ACSF3: variants seen among roughly 807,000 people sequenced by gnomAD.
ACSF3 encodes the protein malonate--CoA ligase ACSF3, mitochondrial.
ACSF3 carries 78 observed loss-of-function variants against 53.2 expected under a neutral mutation model. The observed-to-expected ratio is 1.47, with a 90% confidence interval of 1.22 to 1.77. The LOEUF is 1.77. Ranked by LOEUF, ACSF3 falls within the 40% of genes most tolerant of loss-of-function variation. The pLI, the probability that ACSF3 is intolerant of heterozygous loss-of-function variation, is 0.00. For synonymous variants in ACSF3, 414 were observed against 333.1 expected (o/e 1.24, Z -2.65); for missense variants, 937 against 771.1 (o/e 1.22, Z -2.55).
intron 7 of ACSF3, among the ~76,000 whole-genome samples, chr16:89,128,784 G>C (rs1389959525): frequency 1.3e-5 from 2 of 152,042 alleles, no homozygotes; most frequent in Non-Finnish European, 2.9e-5. Context: ...GTTGTGTTTT[G>C]TGGCCCAGAA....
intron 4 of ACSF3, among the ~76,000 whole-genome samples, chr16:89,108,379 G>A (rs1326134242): frequency 6.6e-6 from 1 of 152,162 alleles, no homozygotes; most frequent in Non-Finnish European, 1.5e-5. Context: ...AGTTCTTGTA[G>A]TGCAGCTTTG....
At chr16:89,154,060 G>A (rs200419089) in intron 10 of ACSF3, 30 bp from the exon 11 acceptor site, 3 of 1,605,548 alleles carry the variant, frequency 1.9e-6, no homozygotes, top group East Asian at 2.2e-5. Flanking sequence ...TGTCAGGGCA[G>A]TGCGCCTCAG....
chr16:89,131,925 C>A (rs541633481), intron 7 of ACSF3, among the ~76,000 whole-genome samples: 1 of 152,250 alleles, frequency 6.6e-6, no homozygotes, highest in East Asian at 1.9e-4. Context: ...GTTTCACCCC[C>A]GTGGGTGGCG....
chr16:89,142,169 G>A (rs537725032), intron 8 of ACSF3, among the ~76,000 whole-genome samples: 36 of 152,156 alleles, frequency 2.4e-4, no homozygotes, highest in Admixed American at 1.8e-3. Flanking sequence ...GGGGTTGGAG[G>A]CCAGGCAGGG....
intron 10 of ACSF3, among the ~76,000 whole-genome samples, chr16:89,146,975 C>G (rs1459275154): frequency 6.6e-6 from 1 of 152,062 alleles, no homozygotes; most frequent in African/African-American, 2.4e-5. Flanking sequence ...ACAGTAATTT[C>G]TTTTGTTTTT....
chr16:89,102,928 CT>C (rs1188093493), intron 4 of ACSF3, among the ~76,000 whole-genome samples, 169 bp downstream of exon 4: 5 of 152,230 alleles, frequency 3.3e-5, no homozygotes, highest in Non-Finnish European at 5.9e-5. Context: ...GCAGTCGCCC[CT>C]ATCCACAGGG....
chr16:89,123,663 C>A (rs745620823), intron 7 of ACSF3, among the ~76,000 whole-genome samples: 2 of 152,204 alleles, frequency 1.3e-5, no homozygotes, highest in Non-Finnish European at 2.9e-5. Context: ...ATCAGCCAGG[C>A]CTTCAGAGCT....
chr16:89,096,036 C>T (rs944675736), intron 1 of ACSF3, among the ~76,000 whole-genome samples: 2 of 152,132 alleles, frequency 1.3e-5, no homozygotes, highest in African/African-American at 4.8e-5. Flanking sequence ...AACCTGATGG[C>T]TAGAACACCG....
rs1012271385 is a variant in ACSF3 at position 89,145,969 on chromosome 16, A to C, written c.1533A>C (p.Thr511=). Residue 511 remains threonine (T), a synonymous_variant, in exon 10 of 11, where the codon ACA becomes ACC. Coordinates refer to ENST00000614302, the MANE Select transcript of ACSF3 (RefSeq NM_001243279.3). ...DVAVIGVPDM[T]WGQRVTAVVT... is the part of the protein sequence containing the mutation. ...CTGTGATTGGAGTTCCGGATATGACATGGGGCCAGCGGGTCACTGCTGTGG... is the reference window on the plus strand; with the variant it reads ...CTGTGATTGGAGTTCCGGATATGACCTGGGGCCAGCGGGTCACTGCTGTGG... The C allele has an allele frequency of 6.4e-7, 1 of 1,554,898 alleles. No homozygotes were observed. The highest frequency in any genetic ancestry group is 2.5e-5 in the East Asian group (1 of 40,032).
Position 89,101,366 on chromosome 16 carries a change from C to A in ACSF3, c.666+19C>A. 4 of 1,564,668 alleles carry A rather than the reference C, an allele frequency of 2.6e-6. No homozygotes were observed. The highest frequency in any genetic ancestry group is 3.5e-6 in the Non-Finnish European group (4 of 1,155,548). ...GGCTGTGGTGAGTGCCGCCTGGCGC[C>A]GTGATGGTTTCGGTGACCGCACAGC... On this transcript the variant is annotated intron_variant, in intron 3 of 10. Coordinates refer to ENST00000614302, the MANE Select transcript of ACSF3 (RefSeq NM_001243279.3).
chr16:89,101,994 C>T (rs1319949529), intron 3 of ACSF3, among the ~76,000 whole-genome samples: 2 of 152,310 alleles, frequency 1.3e-5, no homozygotes, highest in East Asian at 1.9e-4. Flanking sequence ...GCTCTGGACT[C>T]CTCTGTCCTT....
intron 5 of ACSF3, chr16:89,113,885 T>C (rs990778497): frequency 1.4e-4 from 44 of 317,446 alleles, no homozygotes; most frequent in Middle Eastern, 2.3e-3. Context: ...CGCGTTCTGC[T>C]GCAGAGCCTG....
chr16:89,129,749 A>C (rs1172927263), intron 7 of ACSF3, among the ~76,000 whole-genome samples: 1 of 151,980 alleles, frequency 6.6e-6, no homozygotes, highest in Non-Finnish European at 1.5e-5. Context: ...TTGTCTCTTA[A>C]GTTTTTGACC....
At chr16:89,143,497 G>T (rs1567743216) in intron 8 of ACSF3, among the ~76,000 whole-genome samples, 1 of 152,084 alleles carries the variant, frequency 6.6e-6, no homozygotes, top group Non-Finnish European at 1.5e-5. Flanking sequence ...GCATCCGTGG[G>T]GCAGGAGCAG....
chr16:89,114,647 C>A, intron 6 of ACSF3, 160 bp downstream of exon 6: 2 of 1,025,852 alleles, frequency 1.9e-6, no homozygotes, highest in Non-Finnish European at 1.5e-6. Context: ...GGATGCACTG[C>A]GACCTGTCCC....
intron 4 of ACSF3, among the ~76,000 whole-genome samples, chr16:89,110,066 C>T (rs146176941): frequency 7.9e-5 from 12 of 152,152 alleles, no homozygotes; most frequent in African/African-American, 2.9e-4. Flanking sequence ...CCAACTGCAG[C>T]TTGTCTTTTT....
In ACSF3 at chr16:89,101,194, A is replaced by G. The variant is rs1323797258; in HGVS notation, c.513A>G (p.Thr171=). 1 of 1,599,212 alleles carries G rather than the reference A, an allele frequency of 6.3e-7. No individual in the cohort carries two copies. Among genetic ancestry groups the G allele is most frequent in the East Asian group, 2.3e-5 (1 of 44,336 alleles). The part of the protein sequence containing the change: ...RKLGVPLLPL[T]PAIYTGAVEE... ...TGGGGGTCCCGCTGCTGCCGCTCACACCAGCCATCTACACTGGAGCAGTAG... is the reference window on the plus strand; with the variant it reads ...TGGGGGTCCCGCTGCTGCCGCTCACGCCAGCCATCTACACTGGAGCAGTAG... Residue 171 remains threonine (T), a synonymous_variant, in exon 3 of 11, where the codon ACA becomes ACG. Transcript: ENST00000614302.
At chr16:89,142,716 G>GACACAGCCACACCTATAGAC in intron 8 of ACSF3, among the ~76,000 whole-genome samples, 1 of 149,316 alleles carries the variant, frequency 6.7e-6, no homozygotes, top group East Asian at 2.0e-4. Flanking sequence ...CACCTGCAGA[G>GACACAGCCACACCTATAGAC]ACACAGCCAC....
rs1465773977 is a variant in ACSF3, at chr16:89,155,615, C to T, written c.*1408C>T. ...AACAGTCAGAGGAAGGGGTCCCGCCCTCCCGCCAGAGGCCTGGACCCAAGG... is the reference window on the plus strand; with the variant it reads ...AACAGTCAGAGGAAGGGGTCCCGCCTTCCCGCCAGAGGCCTGGACCCAAGG... On this transcript the variant is annotated 3_prime_UTR_variant, in exon 11 of 11. Coordinates refer to ENST00000614302, the MANE Select transcript of ACSF3 (RefSeq NM_001243279.3). 2 of 453,890 alleles carry T rather than the reference C, an allele frequency of 4.4e-6. No homozygotes were observed. The highest frequency in any genetic ancestry group is 8.8e-6 in the Non-Finnish European group (2 of 226,712). 28.1% of individuals were successfully genotyped at this position (453,890 alleles called of 1,614,324 possible). A position where few individuals can be genotyped will look rare whatever the true frequency, so the allele number is the denominator to read the frequency against.
Sources: gnomAD v4.1 joint callset for allele counts (sites outside exome capture counted in the v4.1 genomes callset) on GRCh38, gnomAD v4.1.1 for gene constraint, MANE v1.5 for transcripts, NCBI Gene and HGNC (gene_info 2026-07-23, HGNC 2026-07-21) for gene names.